The following ATP8A2 variants were observed in gnomAD, a reference collection of about 807,000 sequenced individuals.
ATP8A2 encodes the protein ATPase phospholipid transporting 8A2.
Under a neutral mutation model 165.6 loss-of-function variants are expected in ATP8A2, and 100 were observed. The observed-to-expected ratio is 0.60, with a 90% CI of 0.51 to 0.71. ATP8A2 has a LOEUF of 0.71. ATP8A2 is among the 30% of genes least tolerant of loss of function. The pLI is 0.00. For synonymous variants in ATP8A2, 543 were observed against 548.8 expected, an observed-to-expected ratio of 0.99 and a Z score of 0.15; for missense variants, 1,227 against 1,479.5, an observed-to-expected ratio of 0.83 and a Z score of 2.80.
intron 2 of ATP8A2, among the ~76,000 whole-genome samples, chr13:25,513,977 T>G (rs182621375): frequency 0.016 from 406 of 24,788 alleles, no homozygotes; most frequent in East Asian, 0.034. Flanking sequence ...CCATGGGGAG[T>G]GGGAGAGGGG....
intron 36 of ATP8A2, among the ~76,000 whole-genome samples, chr13:26,018,573 G>A (rs978191900): frequency 6.6e-6 from 1 of 152,216 alleles, no homozygotes; most frequent in Non-Finnish European, 1.5e-5. Flanking sequence ...TGGCCAGAAT[G>A]TCTAATTGAG....
chr13:25,424,807 A>G (rs1176280399), intron 1 of ATP8A2, among the ~76,000 whole-genome samples: 3 of 152,102 alleles, frequency 2.0e-5, no homozygotes, highest in Non-Finnish European at 4.4e-5. Context: ...AAAATACAAA[A>G]ATTAGCTAGA....
At chr13:25,843,269 G>A (rs1951785922) in intron 30 of ATP8A2, among the ~76,000 whole-genome samples, 1 of 152,158 alleles carries the variant, frequency 6.6e-6, no homozygotes, top group South Asian at 2.1e-4. Context: ...AGTGGGACTG[G>A]GGGTGCCTGG....
chr13:25,401,418 A>G (rs2033632027), intron 1 of ATP8A2, among the ~76,000 whole-genome samples: 1 of 152,218 alleles, frequency 6.6e-6, no homozygotes, highest in Non-Finnish European at 1.5e-5. Flanking sequence ...CTGAAGAAAG[A>G]GCTAGCAGCA....
chr13:26,001,656 T>C (rs1047600749), intron 35 of ATP8A2, among the ~76,000 whole-genome samples: 2 of 152,230 alleles, frequency 1.3e-5, no homozygotes, highest in African/African-American at 4.8e-5. Context: ...GCTTTTTGGC[T>C]ATTGTGTATT....
intron 33 of ATP8A2, among the ~76,000 whole-genome samples, chr13:25,957,066 A>G (rs1269680735): frequency 1.3e-5 from 2 of 152,236 alleles, no homozygotes; most frequent in East Asian, 1.9e-4. Context: ...CTGGCTAGCC[A>G]TATGCAGAAA....
chr13:25,852,271 C>T (rs1952026066), intron 30 of ATP8A2, among the ~76,000 whole-genome samples: 1 of 152,146 alleles, frequency 6.6e-6, no homozygotes, highest in Admixed American at 6.5e-5. Context: ...GTGCTACTGG[C>T]ATCTAGCGGG....
intron 1 of ATP8A2, among the ~76,000 whole-genome samples, chr13:25,427,926 G>A (rs192106165): frequency 3.4e-5 from 5 of 149,180 alleles, no homozygotes; most frequent in East Asian, 4.0e-4. Context: ...GGCTGGGTGC[G>A]GTGGCTCATG....
intron 7 of ATP8A2, among the ~76,000 whole-genome samples, 159 bp downstream of exon 7, chr13:25,538,220 C>G (rs992526552): frequency 5.9e-5 from 9 of 152,218 alleles, no homozygotes; most frequent in Non-Finnish European, 1.3e-4. Context: ...TGCCATGACC[C>G]TTGGTTTCTT....
At chr13:25,621,007 C>T (rs1301459653) in intron 24 of ATP8A2, among the ~76,000 whole-genome samples, 3 of 152,176 alleles carry the variant, frequency 2.0e-5, no homozygotes, top group South Asian at 2.1e-4. Context: ...GGTGATTGGG[C>T]CTAGGAGTGG....
intron 33 of ATP8A2, among the ~76,000 whole-genome samples, chr13:25,885,464 T>C (rs557435126): frequency 5.7e-4 from 86 of 152,162 alleles, no homozygotes; most frequent in African/African-American, 2.0e-3. Context: ...CCCTCTCTCC[T>C]TCTTTTGGGG....
At chr13:25,437,243 C>T (rs1006087289) in intron 1 of ATP8A2, among the ~76,000 whole-genome samples, 1 of 152,096 alleles carries the variant, frequency 6.6e-6, no homozygotes, top group South Asian at 2.1e-4. Context: ...GTTCTTTGCC[C>T]ACTTTTTAAT....
At chr13:25,420,455 G>A (rs2034266845) in intron 1 of ATP8A2, among the ~76,000 whole-genome samples, 1 of 152,218 alleles carries the variant, frequency 6.6e-6, no homozygotes, top group Non-Finnish European at 1.5e-5. Context: ...TCTGGGAAAT[G>A]TGACATCCTT....
At chr13:25,592,566 T>C (rs1171643820) in intron 24 of ATP8A2, among the ~76,000 whole-genome samples, 3 of 152,192 alleles carry the variant, frequency 2.0e-5, no homozygotes, top group South Asian at 2.1e-4. Flanking sequence ...CCTAGAACCC[T>C]TGGATGTGTG....
intron 30 of ATP8A2, among the ~76,000 whole-genome samples, chr13:25,841,998 C>T (rs1394310485): frequency 1.3e-5 from 2 of 152,126 alleles, no homozygotes; most frequent in East Asian, 3.9e-4. Flanking sequence ...CAAACACCTC[C>T]TATCAGGCCA....
chr13:25,525,146 A>G (rs2037802177), intron 2 of ATP8A2, among the ~76,000 whole-genome samples: 1 of 152,092 alleles, frequency 6.6e-6, no homozygotes, highest in Non-Finnish European at 1.5e-5. Flanking sequence ...AACTTAGATC[A>G]CAGAAAGGAA....
At chr13:26,007,824 G>A (rs1956773550) in intron 35 of ATP8A2, among the ~76,000 whole-genome samples, 1 of 152,156 alleles carries the variant, frequency 6.6e-6, no homozygotes, top group Non-Finnish European at 1.5e-5. Context: ...TTAATGCAGG[G>A]AGAGAACAGC....
chr13:25,988,880 G>A (rs1319219413), intron 35 of ATP8A2, among the ~76,000 whole-genome samples: 1 of 152,198 alleles, frequency 6.6e-6, no homozygotes, highest in Non-Finnish European at 1.5e-5. Context: ...AATTCTTATG[G>A]AGGGAGTTAT....
intron 24 of ATP8A2, among the ~76,000 whole-genome samples, chr13:25,692,363 G>C (rs921704163): frequency 6.6e-6 from 1 of 152,152 alleles, no homozygotes; most frequent in Non-Finnish European, 1.5e-5. Context: ...CAAAGTGAGG[G>C]CTGCAGCAGC....
Sources: gnomAD v4.1 joint callset for allele counts (sites outside exome capture counted in the v4.1 genomes callset) on GRCh38, gnomAD v4.1.1 for gene constraint, MANE v1.5 for transcripts, NCBI Gene and HGNC (gene_info 2026-07-23, HGNC 2026-07-21) for gene names.